CHIC1: variants seen among roughly 807,000 people sequenced by gnomAD.
CHIC1 encodes the protein cysteine rich hydrophobic domain 1, also known as cysteine-rich hydrophobic domain-containing protein 1.
A neutral mutation model predicts 18.5 loss-of-function variants in CHIC1; 7 were observed. That is an observed-to-expected ratio of 0.38 (90% CI 0.22 to 0.71). CHIC1 has a LOEUF of 0.71. Ranked by LOEUF, CHIC1 falls within the 30% of genes least tolerant of loss-of-function variation. The probability of loss-of-function intolerance (pLI) is 0.49; values close to 1 mark genes in which losing one functional copy is unlikely to be tolerated. For missense variants in CHIC1, 159 were observed against 176.9 expected, an observed-to-expected ratio of 0.90 and a Z score of 0.57; for synonymous variants, 77 against 73.5, an observed-to-expected ratio of 1.05 and a Z score of -0.25.
chrX:73,586,295 G>A (rs1340137802), intron 3 of CHIC1, among the ~76,000 whole-genome samples: 1 of 110,673 alleles, frequency 9.0e-6, no homozygotes. Context: ...TATAGTTCAC[G>A]GCCTCTGATT....
At chrX:73,565,899 G>A (rs961376807) in intron 1 of CHIC1, among the ~76,000 whole-genome samples, 1 of 110,743 alleles carries the variant, frequency 9.0e-6, no homozygotes, top group Non-Finnish European at 1.9e-5. Flanking sequence ...GCAGCCTTCT[G>A]TTGTATAGAG....
At chrX:73,615,991 C>T (rs1430141676) in intron 3 of CHIC1, among the ~76,000 whole-genome samples, 1 of 110,819 alleles carries the variant, frequency 9.0e-6, no homozygotes, top group Non-Finnish European at 1.9e-5. Context: ...GGGGTCAGCC[C>T]TGGTTGGGAC....
chrX:73,679,195 A>G, intron 3 of CHIC1, 131 bp from the exon 4 acceptor site: 1 of 450,067 alleles, frequency 2.2e-6, no homozygotes, highest in East Asian at 4.0e-5. Flanking sequence ...GATATTGCTT[A>G]TTTCTCATTT....
chrX:73,578,987 G>A (rs1337549364), intron 2 of CHIC1, among the ~76,000 whole-genome samples: 1 of 110,073 alleles, frequency 9.1e-6, no homozygotes, highest in Non-Finnish European at 1.9e-5. Flanking sequence ...TGCTTTTGGC[G>A]TAATCACAAT....
At chrX:73,625,106 G>T (rs1372018199) in intron 3 of CHIC1, among the ~76,000 whole-genome samples, 2 of 108,720 alleles carry the variant, frequency 1.8e-5, no homozygotes, top group Non-Finnish European at 3.9e-5. Flanking sequence ...CAACACAAAA[G>T]AATTTTTTTT....
chrX:73,611,368 C>G lies in CHIC1; in HGVS notation c.507+26796C>G, dbSNP rs779602261. On this transcript the variant is annotated intron_variant, in intron 3 of 5. Coordinates refer to ENST00000373502, the MANE Select transcript of CHIC1 (RefSeq NM_001039840.4). Reference sequence around the variant, plus strand: ...ATGAACTCATCATTTTTTATGGCTGCATAGTATTCCATAGTGTATATGTGC... The same window carrying G: ...ATGAACTCATCATTTTTTATGGCTGGATAGTATTCCATAGTGTATATGTGC... Among the ~76,000 whole-genome samples the G allele has an allele frequency of 1.6e-4, 17 of 108,713 alleles. 3 individuals are homozygous for G. Among genetic ancestry groups the G allele is most frequent in the African/African-American group, 6.1e-4 (17 of 27,970 alleles). 94.4% of individuals were successfully genotyped at this position (108,713 alleles called of 115,157 possible).
intron 3 of CHIC1, among the ~76,000 whole-genome samples, chrX:73,632,850 G>A (rs1302374792): frequency 1.0e-5 from 1 of 96,840 alleles, no homozygotes; most frequent in Non-Finnish European, 2.0e-5. Flanking sequence ...CTGACTGCAA[G>A]CTCCACCTCC....
chrX:73,594,735 A>T (rs2093014866), intron 3 of CHIC1, among the ~76,000 whole-genome samples: 1 of 111,641 alleles, frequency 9.0e-6, no homozygotes, highest in African/African-American at 3.3e-5. Context: ...GGAACTCTAT[A>T]GCCATTAAGT....
At chrX:73,617,812 T>C (rs946427700) in intron 3 of CHIC1, among the ~76,000 whole-genome samples, 1 of 111,792 alleles carries the variant, frequency 8.9e-6, no homozygotes, top group Admixed American at 9.5e-5. Flanking sequence ...AAATGAGATT[T>C]GGGTGGGGAC....
At chrX:73,621,290 A>G (rs2057759069) in intron 3 of CHIC1, among the ~76,000 whole-genome samples, 2 of 112,250 alleles carry the variant, frequency 1.8e-5, no homozygotes, top group South Asian at 7.4e-4. Flanking sequence ...TACTTTGGGC[A>G]GTATAGCCAT....
At chrX:73,611,248 C>A (rs1326014742) in intron 3 of CHIC1, among the ~76,000 whole-genome samples, 1 of 107,752 alleles carries the variant, frequency 9.3e-6, no homozygotes, top group Non-Finnish European at 1.9e-5. Context: ...CAGTTCCCAC[C>A]CATGAGTGAG....
intron 3 of CHIC1, among the ~76,000 whole-genome samples, chrX:73,673,650 T>C (rs1192698111): frequency 8.9e-6 from 1 of 112,015 alleles, no homozygotes; most frequent in Non-Finnish European, 1.9e-5. Context: ...GATTTTGGGC[T>C]GAGACGATGT....
chrX:73,635,854 T>A (rs1389204033), intron 3 of CHIC1, among the ~76,000 whole-genome samples: 1 of 111,643 alleles, frequency 9.0e-6, no homozygotes, highest in Admixed American at 9.5e-5. Flanking sequence ...TAATGTGTAT[T>A]CTGCTGTTGG....
chrX:73,617,706 C>T (rs1005643349), intron 3 of CHIC1, among the ~76,000 whole-genome samples: 4 of 111,377 alleles, frequency 3.6e-5, no homozygotes, highest in African/African-American at 1.3e-4. Flanking sequence ...TTATTCACTA[C>T]CATGAGAACA....
chrX:73,679,074 A>G (rs927668246), intron 3 of CHIC1, among the ~76,000 whole-genome samples: 7 of 112,216 alleles, frequency 6.2e-5, no homozygotes, highest in Non-Finnish European at 1.3e-4. Flanking sequence ...AAATTCATAC[A>G]TATTTCATTT....
intron 3 of CHIC1, among the ~76,000 whole-genome samples, chrX:73,643,869 G>A (rs1051415823): frequency 2.7e-5 from 3 of 112,059 alleles, no homozygotes; most frequent in East Asian, 2.8e-4. Context: ...CTCTCAACTC[G>A]TCAAAGTCAT....
chrX:73,677,324 C>G (rs2058071087), intron 3 of CHIC1, among the ~76,000 whole-genome samples: 1 of 112,177 alleles, frequency 8.9e-6, no homozygotes, highest in South Asian at 3.7e-4. Context: ...GTGCCCTGCC[C>G]CCAGAGGTGG....
At chrX:73,637,888 C>G (rs2057838271) in intron 3 of CHIC1, among the ~76,000 whole-genome samples, 1 of 110,805 alleles carries the variant, frequency 9.0e-6, no homozygotes, top group Admixed American at 9.7e-5. Context: ...TTATTTGTTC[C>G]TAGGAGTGGG....
intron 3 of CHIC1, among the ~76,000 whole-genome samples, chrX:73,626,402 A>T (rs903835622): frequency 9.0e-6 from 1 of 110,993 alleles, no homozygotes; most frequent in African/African-American, 3.3e-5. Context: ...TTCTGTCTCT[A>T]TCTCCTTTTT....
Sources: allele counts gnomAD v4.1 joint callset (sites outside exome capture counted in the v4.1 genomes callset), GRCh38; gene constraint gnomAD v4.1.1; transcripts MANE v1.5; gene names NCBI Gene and HGNC (gene_info 2026-07-23, HGNC 2026-07-21).